Variants in ANKRD30A observed in about 807,000 individuals in gnomAD.
The protein encoded by ANKRD30A is ankyrin repeat domain 30A.
A neutral mutation model predicts 166.3 loss-of-function variants in ANKRD30A; 170 were observed. The ratio of observed to expected loss-of-function variants is 1.02; its 90% CI spans 0.90 to 1.16. The LOEUF (loss-of-function observed/expected upper bound fraction) is 1.16, where lower values mean the gene tolerates loss of function less well. Ranked by LOEUF, ANKRD30A falls within the 50% of genes most tolerant of loss-of-function variation. The pLI, the probability that ANKRD30A is intolerant of heterozygous loss-of-function variation, is 0.00. For synonymous variants in ANKRD30A, 564 were observed against 508.9 expected, an observed-to-expected ratio of 1.11 and a Z score of -1.46; for missense variants, 1,630 against 1,518.0, an observed-to-expected ratio of 1.07 and a Z score of -1.23.
At chr10:37,227,308 A>C (rs1168558564) in intron 34 of ANKRD30A, among the ~76,000 whole-genome samples, 1 of 151,966 alleles carries the variant, frequency 6.6e-6, no homozygotes, top group East Asian at 1.9e-4. Context: ...TAATTTTTAA[A>C]TACAGTATTT....
chr10:37,198,748 T>C (rs1841371987), intron 29 of ANKRD30A, among the ~76,000 whole-genome samples: 1 of 152,136 alleles, frequency 6.6e-6, no homozygotes, highest in South Asian at 2.1e-4. Context: ...AAGTTAAATT[T>C]ACTTTTGAAA....
chr10:37,161,774 T>G (rs1838897480), intron 15 of ANKRD30A, among the ~76,000 whole-genome samples: 1 of 152,186 alleles, frequency 6.6e-6, no homozygotes, highest in Non-Finnish European at 1.5e-5. Context: ...CTAAGAACAT[T>G]GGCTTTATGT....
At chr10:37,146,029 T>A (rs1837485224) in intron 8 of ANKRD30A, among the ~76,000 whole-genome samples, 1 of 152,284 alleles carries the variant, frequency 6.6e-6, no homozygotes, top group African/African-American at 2.4e-5. Flanking sequence ...ATAATAGTGA[T>A]ATAGTCCAAG....
chr10:37,194,682 C>A (rs750037643), intron 27 of ANKRD30A, among the ~76,000 whole-genome samples: 2 of 152,076 alleles, frequency 1.3e-5, no homozygotes, highest in Admixed American at 1.3e-4. Context: ...GTACACTGTA[C>A]GTATTGTCCT....
chr10:37,172,933 GT>G (rs1323960571), intron 21 of ANKRD30A, among the ~76,000 whole-genome samples: 1 of 151,836 alleles, frequency 6.6e-6, no homozygotes, highest in Non-Finnish European at 1.5e-5. Context: ...CAGGCGAATT[GT>G]AGGATCTGAA....
intron 25 of ANKRD30A, among the ~76,000 whole-genome samples, chr10:37,190,011 A>G (rs1408039582): frequency 2.0e-5 from 3 of 151,886 alleles, no homozygotes; most frequent in African/African-American, 7.3e-5. Context: ...GAATTACAGC[A>G]AAAATATTCT....
chr10:37,227,805 T>C (rs1379504400), intron 34 of ANKRD30A, among the ~76,000 whole-genome samples: 1 of 152,020 alleles, frequency 6.6e-6, no homozygotes, highest in Non-Finnish European at 1.5e-5. Flanking sequence ...TACTATTTCA[T>C]GCATTAGGTT....
At chr10:37,247,716 A>G in the ANKRD30A span, among the ~76,000 whole-genome samples, 1 of 8,414 alleles carries the variant, frequency 1.2e-4, no homozygotes, top group South Asian at 0.01. Flanking sequence ...CTAAAAATAC[A>G]AAAAAAAAAA....
the ANKRD30A span, among the ~76,000 whole-genome samples, chr10:37,257,433 T>C: frequency 4.6e-5 from 7 of 152,146 alleles, no homozygotes; most frequent in African/African-American, 1.7e-4. Context: ...TTTCTTGTCT[T>C]CTGCTAGCTT....
At chr10:37,225,750 G>A (rs371604577) in intron 34 of ANKRD30A, among the ~76,000 whole-genome samples, 2 of 151,462 alleles carry the variant, frequency 1.3e-5, no homozygotes, top group Non-Finnish European at 2.9e-5. Flanking sequence ...CAAGCAGTAC[G>A]CCATCCTATG....
the ANKRD30A span, among the ~76,000 whole-genome samples, chr10:37,250,486 C>T: frequency 2.0e-5 from 3 of 152,212 alleles, no homozygotes; most frequent in South Asian, 6.2e-4. Context: ...ACACTGAGCA[C>T]CCCTCATCCT....
Position 37,144,937 on chromosome 10 carries a change from T to C in ANKRD30A, c.1394-58T>C. On this transcript the variant is annotated intron_variant, in intron 7 of 35. Coordinates refer to ENST00000361713, the MANE Select transcript of ANKRD30A (RefSeq NM_052997.3). The stretch of plus-strand genomic sequence containing the variant: ...GAATGAAAATAGATTTGTATATGTT[T>C]TAAAAATTTATAATAAGAAATGTTA... The C allele has an allele frequency of 2.3e-6, 3 of 1,304,504 alleles. No homozygotes were observed. The South Asian group carries it at 4.0e-5, about 17-fold the overall frequency. 80.8% of individuals were successfully genotyped at this position (1,304,504 alleles called of 1,614,324 possible). A position where few individuals can be genotyped will look rare whatever the true frequency, so the allele number is the denominator to read the frequency against.
the ANKRD30A span, among the ~76,000 whole-genome samples, chr10:37,255,643 C>G: frequency 6.6e-6 from 1 of 152,140 alleles, no homozygotes; most frequent in South Asian, 2.1e-4. Context: ...TCCCCATTCT[C>G]CCTTTCCTCC....
chr10:37,126,184 C>T (rs1403050621), intron 1 of ANKRD30A, among the ~76,000 whole-genome samples, 176 bp downstream of exon 1: 1 of 152,184 alleles, frequency 6.6e-6, no homozygotes, highest in Non-Finnish European at 1.5e-5. Context: ...GGGCAGGCCC[C>T]CAGGCTTGGG....
chr10:37,196,341 C>T (rs1841105379), intron 27 of ANKRD30A, among the ~76,000 whole-genome samples: 1 of 151,894 alleles, frequency 6.6e-6, no homozygotes, highest in Admixed American at 6.6e-5. Context: ...TACAATGAGG[C>T]ATGACAAATA....
downstream of ANKRD30A, chr10:37,232,659 T>TATATATATATATATATATATAG (rs1843470379): frequency 4.0e-4 from 1 of 2,502 alleles, no homozygotes; most frequent in Non-Finnish European, 9.2e-4. Flanking sequence ...TGGTTTTATA[T>TATATATATATATATATATATAG]ATATATATAT....
At chr10:37,250,405 G>A in the ANKRD30A span, among the ~76,000 whole-genome samples, 2 of 152,038 alleles carry the variant, frequency 1.3e-5, no homozygotes. Context: ...GTGGCTATGG[G>A]AAGTGTTTTA....
chr10:37,132,282 G>A lies in ANKRD30A; in HGVS notation c.553G>A (p.Glu185Lys). 2 of 1,607,146 alleles carry A rather than the reference G, an allele frequency of 1.2e-6. No homozygotes were observed. Among genetic ancestry groups the A allele is most frequent in the Admixed American group, 1.7e-5 (1 of 59,358 alleles). Residue 185 changes from glutamate (E) to lysine (K), a missense_variant, in exon 4 of 36, where the codon GAG (glutamate) becomes AAG (lysine). This residue lies in a region of ANKRD30A where 904 missense variants were observed against 818.5 expected (regional missense o/e 1.10). Transcript: ENST00000361713. The part of the protein sequence containing the change: ...PLLLSITKRS[E>K]QIVEFLLIKN... ...TTTACTATCCATAACGAAAAGAAGTGAGCAAATTGTGGAATTTTTGCTGAT... is the reference window on the plus strand; with the variant it reads ...TTTACTATCCATAACGAAAAGAAGTAAGCAAATTGTGGAATTTTTGCTGAT...
intron 16 of ANKRD30A, 39 bp downstream of exon 16, chr10:37,162,716 T>A (rs1200878): frequency 0.39 from 636,827 of 1,612,496 alleles, 129,580 homozygotes; most frequent in African/African-American, 0.45. Flanking sequence ...TGACTTATTA[T>A]CTATGTATTT....
Sources: allele counts gnomAD v4.1 joint callset (sites outside exome capture counted in the v4.1 genomes callset), GRCh38; gene constraint gnomAD v4.1.1; regional missense constraint gnomAD v4.1.1; transcripts MANE v1.5; gene names NCBI Gene and HGNC (gene_info 2026-07-23, HGNC 2026-07-21).